Variants in SMAD3 observed in about 807,000 individuals in gnomAD.
SMAD3 encodes the protein MAD homolog 3.
In SMAD3, 12 loss-of-function variants were observed where a neutral mutation model predicts 51.8. The ratio of observed to expected loss-of-function variants is 0.23; its 90% CI spans 0.15 to 0.38. The LOEUF is 0.38. SMAD3 is among the 10% of genes least tolerant of loss of function. The pLI, the probability that SMAD3 is intolerant of heterozygous loss-of-function variation, is 1.00. For missense variants in SMAD3, 294 were observed against 565.6 expected (o/e 0.52, Z 4.87); for synonymous variants, 238 against 227.7 (o/e 1.05, Z -0.41).
intron 4 of SMAD3, among the ~76,000 whole-genome samples, chr15:67,169,409 A>G (rs1962681347): frequency 6.6e-6 from 1 of 152,170 alleles, no homozygotes; most frequent in Non-Finnish European, 1.5e-5. Context: ...TTGAGGCCAG[A>G]TGCTGGACCC....
intron 5 of SMAD3, among the ~76,000 whole-genome samples, chr15:67,180,423 G>A (rs1043501619): frequency 6.6e-6 from 1 of 151,856 alleles, no homozygotes; most frequent in Admixed American, 6.6e-5. Context: ...AAGAGAACCA[G>A]CCCCTTGTAG....
intron 1 of SMAD3, among the ~76,000 whole-genome samples, chr15:67,114,949 C>T (rs1961102872): frequency 1.3e-5 from 2 of 152,222 alleles, no homozygotes; most frequent in Admixed American, 6.5e-5. Context: ...TGGCTTTTCA[C>T]ACCTCCTGTC....
At chr15:67,155,845 G>T (rs1178334993) in intron 1 of SMAD3, among the ~76,000 whole-genome samples, 3 of 152,016 alleles carry the variant, frequency 2.0e-5, no homozygotes, top group Non-Finnish European at 4.4e-5. Context: ...AATTTAGCCG[G>T]GTGTGGTGGT....
chr15:67,169,622 ATTTTTTT>A (rs11333560), intron 4 of SMAD3, among the ~76,000 whole-genome samples: 1 of 127,920 alleles, frequency 7.8e-6, no homozygotes, highest in African/African-American at 3.0e-5. Context: ...CTTACGGCTT[ATTTTTTT>A]TTTTTTTTTT....
chr15:67,071,793 C>A (rs917636996), intron 1 of SMAD3, among the ~76,000 whole-genome samples: 2 of 152,124 alleles, frequency 1.3e-5, no homozygotes, highest in Non-Finnish European at 2.9e-5. Context: ...GCCTGGGCGA[C>A]AGAGCGAGAC....
intron 1 of SMAD3, among the ~76,000 whole-genome samples, chr15:67,150,826 A>G (rs1595931435): frequency 8.0e-5 from 4 of 50,086 alleles, no homozygotes; most frequent in African/African-American, 1.4e-4. Flanking sequence ...TTTTATTAAG[A>G]GAGCAAAGCT....
chr15:67,186,125 A>C (rs550923807), intron 7 of SMAD3, among the ~76,000 whole-genome samples: 1 of 152,330 alleles, frequency 6.6e-6, no homozygotes, highest in Admixed American at 6.5e-5. Context: ...ACAAGTTCAG[A>C]GAGTTTCAGC....
At chr15:67,121,241 G>A (rs944203578) in intron 1 of SMAD3, among the ~76,000 whole-genome samples, 3 of 152,172 alleles carry the variant, frequency 2.0e-5, no homozygotes, top group African/African-American at 2.4e-5. Context: ...GGATTTCCAC[G>A]CGGCCCCAGT....
chr15:67,149,065 C>T (rs1482479036), intron 1 of SMAD3, among the ~76,000 whole-genome samples: 4 of 152,002 alleles, frequency 2.6e-5, no homozygotes, highest in African/African-American at 7.2e-5. Context: ...TGTAAGAGTT[C>T]GAGGAGGGGA....
chr15:67,141,736 A>G (rs979142596), intron 1 of SMAD3, among the ~76,000 whole-genome samples: 4 of 152,088 alleles, frequency 2.6e-5, no homozygotes, highest in Admixed American at 2.6e-4. Flanking sequence ...CATTACCTGG[A>G]AAGTCCGATA....
rs1459002709 is a variant in SMAD3 at position 67,065,939 on chromosome 15, G to C, written c.-216G>C. 9.6e-6 allele frequency: 2 copies of C among 209,042 alleles called. No individual in the cohort carries two copies. Among genetic ancestry groups the C allele is most frequent in the Admixed American group, 6.0e-5 (1 of 16,794 alleles). 12.9% of individuals were successfully genotyped at this position (209,042 alleles called of 1,614,324 possible). ...CGCCCGCCCGGCCGCTCTTCTCTTC[G>C]CCGTGGGAGCCGCTCCGGGCGCAGG... On this transcript the variant is annotated 5_prime_UTR_variant, in exon 1 of 9. Transcript: ENST00000327367.
At chr15:67,138,292 T>A (rs1382955500) in intron 1 of SMAD3, 2 of 548,502 alleles carry the variant, frequency 3.6e-6, no homozygotes, top group Non-Finnish European at 6.6e-6. Flanking sequence ...GAGGCGTCGC[T>A]CAGGGCCCTC....
chr15:67,131,905 G>A (rs958174294), intron 1 of SMAD3, among the ~76,000 whole-genome samples: 3 of 152,192 alleles, frequency 2.0e-5, no homozygotes, highest in Admixed American at 2.0e-4. Flanking sequence ...TGCATTAACA[G>A]GAGATAGAGA....
rs56070432 is a variant in SMAD3, at chr15:67,170,662, C to T, written c.658+58C>T. 8.6e-3 allele frequency: 12,994 copies of T among 1,507,970 alleles called. 88 individuals are homozygous for T. The highest frequency in any genetic ancestry group is 0.015 in the Middle Eastern group (86 of 5,866). The allele number at this position is 1,507,970 out of a possible 1,614,324, so 93.4% of individuals were successfully genotyped here. A position where few individuals can be genotyped will look rare whatever the true frequency, so the allele number is the denominator to read the frequency against. On this transcript the variant is annotated intron_variant, in intron 5 of 8. Transcript: ENST00000327367. Reference sequence around the variant, plus strand: ...CCCTCTAGCTGCAGCCCTGGCGAGTCGCCAGTGTGGGGAGGGGGCCCTGAA... The same window carrying T: ...CCCTCTAGCTGCAGCCCTGGCGAGTTGCCAGTGTGGGGAGGGGGCCCTGAA...
chr15:67,102,844 C>G (rs1359991104), intron 1 of SMAD3, among the ~76,000 whole-genome samples: 1 of 152,180 alleles, frequency 6.6e-6, no homozygotes, highest in African/African-American at 2.4e-5. Flanking sequence ...CTGCTCCTCC[C>G]AGGTGAGGCT....
intron 1 of SMAD3, among the ~76,000 whole-genome samples, chr15:67,145,828 T>C (rs535312529): frequency 1.4e-4 from 22 of 152,304 alleles, no homozygotes; most frequent in African/African-American, 5.3e-4. Flanking sequence ...TCCTGTTGTT[T>C]CCACCGTGTC....
chr15:67,157,180 T>C (rs1962305050), intron 1 of SMAD3, among the ~76,000 whole-genome samples: 1 of 152,240 alleles, frequency 6.6e-6, no homozygotes, highest in Non-Finnish European at 1.5e-5. Context: ...ATTAAGAGCA[T>C]GTGTGTGTAT....
intron 1 of SMAD3, among the ~76,000 whole-genome samples, chr15:67,145,724 G>A (rs1961957323): frequency 6.6e-6 from 1 of 152,190 alleles, no homozygotes; most frequent in Admixed American, 6.5e-5. Context: ...TACCAATGAG[G>A]AAATGGGCCC....
Position 67,113,474 on chromosome 15 carries a change from A to T in SMAD3, c.206+47114A>T, listed in dbSNP as rs1022567641. The stretch of plus-strand genomic sequence containing the variant: ...AAATCCAATAATTACAATAGTAAAT[A>T]CAAGTAAAGATAGACAAGGAAATTA... On this transcript the variant is annotated intron_variant, in intron 1 of 8. Coordinates refer to ENST00000327367, the MANE Select transcript of SMAD3 (RefSeq NM_005902.4). 3.3e-5 allele frequency among the ~76,000 whole-genome samples: 5 copies of T among 152,318 alleles called. No homozygotes were observed. The East Asian group carries it at 9.6e-4, about 29-fold the overall frequency.
Sources: allele counts gnomAD v4.1 joint callset (sites outside exome capture counted in the v4.1 genomes callset), GRCh38; gene constraint gnomAD v4.1.1; transcripts MANE v1.5; gene names NCBI Gene and HGNC (gene_info 2026-07-23, HGNC 2026-07-21).